The following SEMA3A variants were observed in gnomAD, a reference collection of about 807,000 sequenced individuals.
SEMA3A encodes semaphorin-3A.
Under a neutral mutation model 97.9 loss-of-function variants are expected in SEMA3A, and 29 were observed. The ratio of observed to expected loss-of-function variants is 0.30; its 90% CI spans 0.22 to 0.40. The LOEUF (loss-of-function observed/expected upper bound fraction) is 0.40, where lower values mean the gene tolerates loss of function less well. SEMA3A is among the 10% of genes least tolerant of loss of function. The pLI, the probability that SEMA3A is intolerant of heterozygous loss-of-function variation, is 1.00. For synonymous variants in SEMA3A, 321 were observed against 323.7 expected, an observed-to-expected ratio of 0.99 and a Z score of 0.09; for missense variants, 763 against 951.3, an observed-to-expected ratio of 0.80 and a Z score of 2.60.
At chr7:84,373,987 T>G (rs574846290) in intron 1 of SEMA3A, among the ~76,000 whole-genome samples, 138 of 152,126 alleles carry the variant, frequency 9.1e-4, no homozygotes, top group Non-Finnish European at 1.6e-3. Flanking sequence ...GTCCTCAAGT[T>G]TGAAGAAAGG....
intron 1 of SEMA3A, among the ~76,000 whole-genome samples, chr7:84,175,903 T>A (rs570309854): frequency 1.6e-4 from 24 of 152,268 alleles, no homozygotes; most frequent in Admixed American, 1.4e-3. Context: ...CACAAAAGAA[T>A]GCTCTGAAGT....
At chr7:84,095,855 C>CT in intron 4 of SEMA3A, among the ~76,000 whole-genome samples, 1 of 151,972 alleles carries the variant, frequency 6.6e-6, no homozygotes, top group East Asian at 1.9e-4. Context: ...ATAAAAGTTC[C>CT]TAAAGTATTG....
chr7:84,223,317 A>G (rs1798921539), intron 3 of SEMA3A, among the ~76,000 whole-genome samples: 1 of 151,788 alleles, frequency 6.6e-6, no homozygotes, highest in Non-Finnish European at 1.5e-5. Context: ...GCATGTGTGT[A>G]TGCATGTAAA....
At chr7:84,366,552 C>G (rs771718951) in intron 2 of SEMA3A, among the ~76,000 whole-genome samples, 1 of 151,364 alleles carries the variant, frequency 6.6e-6, no homozygotes, top group Non-Finnish European at 1.5e-5. Context: ...TTCTTGCTAA[C>G]TAATTCTCAC....
At chr7:84,176,022 T>G (rs1311959981) in intron 1 of SEMA3A, among the ~76,000 whole-genome samples, 2 of 152,224 alleles carry the variant, frequency 1.3e-5, no homozygotes, top group East Asian at 1.9e-4. Context: ...ATTAGTATAC[T>G]ATGGCCTAAA....
chr7:83,980,623 A>AAAAAAAAATATAT (rs1310318006), intron 14 of SEMA3A, among the ~76,000 whole-genome samples: 24 of 71,750 alleles, frequency 3.3e-4, no homozygotes, highest in African/African-American at 6.6e-4. Flanking sequence ...AAAAAAAAAA[A>AAAAAAAAATATAT]ATATATATAT....
rs539544167 is a variant in SEMA3A, at chr7:84,348,238, A to C, written c.-169+23586T>G. On this transcript the variant is annotated intron_variant, in intron 2 of 3. Transcript: ENST00000424555. Reference sequence around the variant, plus strand: ...ATTACAAAGGAAATAAATAACATTTATAGGATTTCTAATTAATTAAGCATT... The same window carrying C: ...ATTACAAAGGAAATAAATAACATTTCTAGGATTTCTAATTAATTAAGCATT... Among the ~76,000 whole-genome samples the C allele has an allele frequency of 4.6e-5, 7 of 152,348 alleles. No individual in the cohort carries two copies. The South Asian group carries it at 1.2e-3, about 27-fold the overall frequency.
intron 3 of SEMA3A, among the ~76,000 whole-genome samples, chr7:84,262,958 T>A (rs1204798817): frequency 6.6e-6 from 1 of 152,074 alleles, no homozygotes; most frequent in Non-Finnish European, 1.5e-5. Flanking sequence ...GGAAAACATG[T>A]GGTTTGTTTT....
chr7:84,189,785 G>A (rs1210995225), intron 1 of SEMA3A, among the ~76,000 whole-genome samples: 1 of 151,394 alleles, frequency 6.6e-6, no homozygotes, highest in Non-Finnish European at 1.5e-5. Flanking sequence ...AAAGATCCAT[G>A]AAATACATTA....
At chr7:84,024,924 C>T (rs1441906913) in intron 6 of SEMA3A, among the ~76,000 whole-genome samples, 1 of 152,032 alleles carries the variant, frequency 6.6e-6, no homozygotes, top group Non-Finnish European at 1.5e-5. Context: ...CCCGTCTCTA[C>T]TAAAACACAA....
At position 84,306,311 on chromosome 7, in the gene SEMA3A, C is replaced by A. The variant is rs1344338345; in HGVS notation, c.-83+896G>T. On this transcript the variant is annotated intron_variant, in intron 3 of 3. Transcript: ENST00000424555. ...AATGGGGATAATCATCCAGTTAAAT[C>A]AAAAGGAACCCAATAAAATTGTGAA... The A allele has an allele frequency of 4.6e-5, 7 of 151,608 alleles. No individual in the cohort carries two copies. The East Asian group carries it at 1.4e-3, about 29-fold the overall frequency. The allele number at this position is 151,608 out of a possible 1,614,324, so 9.4% of individuals were successfully genotyped here.
At chr7:84,468,398 C>T (rs1806060952) in intron 1 of SEMA3A, among the ~76,000 whole-genome samples, 1 of 152,260 alleles carries the variant, frequency 6.6e-6, no homozygotes, top group Middle Eastern at 3.4e-3. Flanking sequence ...TATAACTACA[C>T]TCCATAGCAG....
At chr7:84,169,938 C>A (rs937312300) in intron 1 of SEMA3A, among the ~76,000 whole-genome samples, 2 of 151,604 alleles carry the variant, frequency 1.3e-5, no homozygotes, top group Non-Finnish European at 3.0e-5. Flanking sequence ...TATTAAAACC[C>A]GAAACTCCTA....
chr7:84,319,602 G>A (rs1310898036), intron 2 of SEMA3A, among the ~76,000 whole-genome samples: 1 of 151,512 alleles, frequency 6.6e-6, no homozygotes, highest in Non-Finnish European at 1.5e-5. Flanking sequence ...TTTAACTAAA[G>A]ATTGGCATTT....
chr7:84,086,002 G>A (rs1165192750), intron 4 of SEMA3A, among the ~76,000 whole-genome samples: 1 of 152,094 alleles, frequency 6.6e-6, no homozygotes. Context: ...CCAAAGATAT[G>A]TAGCCACACA....
chr7:84,475,083 A>T (rs1238733), intron 1 of SEMA3A, among the ~76,000 whole-genome samples: 1 of 151,282 alleles, frequency 6.6e-6, no homozygotes, highest in Non-Finnish European at 1.5e-5. Context: ...CTTCTCCCCC[A>T]ACCCCCAAGA....
At chr7:83,966,947 G>A (rs1383979194) in intron 15 of SEMA3A, among the ~76,000 whole-genome samples, 2 of 152,074 alleles carry the variant, frequency 1.3e-5, no homozygotes, top group Non-Finnish European at 2.9e-5. Flanking sequence ...CCGACCTCAG[G>A]TGATTCGCCC....
chr7:84,184,304 C>G lies in SEMA3A; in HGVS notation c.112+10171G>C, dbSNP rs139098280. Among the ~76,000 whole-genome samples the G allele has an allele frequency of 1.5e-3, 234 of 152,120 alleles. 1 individual carries two copies. Among genetic ancestry groups the G allele is most frequent in the African/African-American group, 5.4e-3 (225 of 41,514 alleles). ...GTATATTAGAATGTGCAAAGGAAAC[C>G]GTAATCCTGTACTGACTAGGCACCT... is the stretch of plus-strand genomic sequence containing the variant. On this transcript the variant is annotated intron_variant, in intron 1 of 16. Transcript: ENST00000265362.
Position 84,255,328 on chromosome 7 carries a change from C to G in SEMA3A, c.-83+51879G>C, listed in dbSNP as rs182528911. Among the ~76,000 whole-genome samples the G allele has an allele frequency of 5.6e-4, 86 of 152,226 alleles. 1 individual carries two copies. The highest frequency in any genetic ancestry group is 1.2e-3 in the South Asian group (6 of 4,832). ...TCTCCTACTTCCATTTTATATCTCT[C>G]TAAACTGAAACATAAATAATTGAGA... On this transcript the variant is annotated intron_variant, in intron 3 of 3. Transcript: ENST00000424555.
Sources: gnomAD v4.1 joint callset for allele counts (sites outside exome capture counted in the v4.1 genomes callset) on GRCh38, gnomAD v4.1.1 for gene constraint, MANE v1.5 for transcripts, NCBI Gene and HGNC (gene_info 2026-07-23, HGNC 2026-07-21) for gene names.